Variants in PPP2R5C observed in about 807,000 individuals in gnomAD.
PPP2R5C encodes serine/threonine-protein phosphatase 2A 56 kDa regulatory subunit gamma isoform.
A neutral mutation model predicts 68.9 loss-of-function variants in PPP2R5C; 7 were observed. The observed-to-expected ratio is 0.10, with a 90% CI of 0.06 to 0.19. The LOEUF (loss-of-function observed/expected upper bound fraction) is 0.19, where lower values mean the gene tolerates loss of function less well. PPP2R5C is among the 10% of genes least tolerant of loss of function. The probability of loss-of-function intolerance (pLI) is 1.00; values close to 1 mark genes in which losing one functional copy is unlikely to be tolerated. For missense variants in PPP2R5C, 348 were observed against 641.3 expected, an observed-to-expected ratio of 0.54 and a Z score of 4.94; for synonymous variants, 210 against 222.2, an observed-to-expected ratio of 0.95 and a Z score of 0.49.
In PPP2R5C at chr14:101,835,653, C is replaced by T. The variant is rs936872222; in HGVS notation, c.95-21033C>T. ...TCTTGTTAAGGCATCTGAGGTCTCC[C>T]GGGGGACAGACACAGTCTTCATCTT... On this transcript the variant is annotated intron_variant, in intron 1 of 13. Transcript: ENST00000334743. This position sits in a 1 kb window ranked among gnomAD's most constrained non-coding sequence, Gnocchi z 5.0. Among the ~76,000 whole-genome samples, 30 of 152,210 alleles carry T rather than the reference C, an allele frequency of 2.0e-4. No individual in the cohort carries two copies. Among genetic ancestry groups the T allele is most frequent in the African/African-American group, 6.0e-4 (25 of 41,452 alleles).
In PPP2R5C at chr14:101,915,422, A is replaced by G. The variant is rs2046616291; in HGVS notation, c.1327-2409A>G. 6.6e-6 allele frequency among the ~76,000 whole-genome samples: 1 copy of G among 152,150 alleles called. No homozygotes were observed. The highest frequency in any genetic ancestry group is 6.5e-5 in the Admixed American group (1 of 15,272). On this transcript the variant is annotated intron_variant, in intron 12 of 13. Coordinates refer to ENST00000334743, the Ensembl canonical transcript of PPP2R5C. This position sits in a 1 kb window ranked among gnomAD's most constrained non-coding sequence, Gnocchi z 4.2. ...TTCCTAGTCAGAACCCTCTCCTGCCAGTGCCCGCTGTGTGAGGTTTATTTT... is the reference window on the plus strand; with the variant it reads ...TTCCTAGTCAGAACCCTCTCCTGCCGGTGCCCGCTGTGTGAGGTTTATTTT...
chr14:101,771,098 A>G (rs181460438), intron 2 of PPP2R5C, among the ~76,000 whole-genome samples: 4 of 152,286 alleles, frequency 2.6e-5, no homozygotes, highest in Admixed American at 2.6e-4. Flanking sequence ...TGCTTCCCAA[A>G]TCCAAACAGC....
Position 101,913,285 on chromosome 14 carries a change from T to G in PPP2R5C, c.1326+812T>G, listed in dbSNP as rs2046490274. 6.6e-6 allele frequency among the ~76,000 whole-genome samples: 1 copy of G among 152,228 alleles called. No homozygotes were observed. Among genetic ancestry groups the G allele is most frequent in the Non-Finnish European group, 1.5e-5 (1 of 68,040 alleles). On this transcript the variant is annotated intron_variant, in intron 12 of 13. Coordinates refer to ENST00000334743, the Ensembl canonical transcript of PPP2R5C. The surrounding 1 kb of genome is among the most constrained non-coding windows in gnomAD (Gnocchi z 4.1). ...TTTCCTTCAACTCTCCAGAAAAGAT[T>G]TTACCGAACAATGTATTTCTTTTAG...
chr14:101,796,106 AG>A (rs1213563568), intron 3 of PPP2R5C, among the ~76,000 whole-genome samples: 1 of 152,190 alleles, frequency 6.6e-6, no homozygotes, highest in Non-Finnish European at 1.5e-5. Context: ...TACAGCCATG[AG>A]AGCCACTGCG....
chr14:101,878,106 C>T (rs947426224), intron 2 of PPP2R5C, among the ~76,000 whole-genome samples: 6 of 152,220 alleles, frequency 3.9e-5, no homozygotes, highest in Non-Finnish European at 4.4e-5. Context: ...GCCTTTGCTC[C>T]GAGCAAGTGC....
intron 3 of PPP2R5C, among the ~76,000 whole-genome samples, chr14:101,794,669 G>GT (rs1190466477): frequency 1.3e-5 from 2 of 152,192 alleles, no homozygotes; most frequent in African/African-American, 2.4e-5. Flanking sequence ...CTTTAAGGCT[G>GT]TTTTTAAGTT....
intron 9 of PPP2R5C, among the ~76,000 whole-genome samples, chr14:101,904,124 G>A (rs993507856): frequency 6.6e-6 from 1 of 152,124 alleles, no homozygotes; most frequent in Non-Finnish European, 1.5e-5. Context: ...GGTGGGTGGT[G>A]GGTGGGTGGA....
intron 10 of PPP2R5C, among the ~76,000 whole-genome samples, chr14:101,908,136 T>A (rs1317481119): frequency 6.6e-6 from 1 of 152,222 alleles, no homozygotes; most frequent in Non-Finnish European, 1.5e-5. Flanking sequence ...TGCTTTGCCT[T>A]GCAACAATCT....
intron 1 of PPP2R5C, among the ~76,000 whole-genome samples, chr14:101,817,190 T>C (rs1255359196): frequency 2.0e-5 from 3 of 151,908 alleles, no homozygotes; most frequent in Admixed American, 6.6e-5. Context: ...TCTCCTGACC[T>C]CGTGTTCCAC....
chr14:101,831,900 A>G (rs975317632), intron 1 of PPP2R5C: 2 of 590,228 alleles, frequency 3.4e-6, no homozygotes, highest in East Asian at 2.8e-5. Flanking sequence ...GTCCAAAGAC[A>G]TTGTTATTTA....
At chr14:101,894,678 A>G (rs1261192841) in intron 8 of PPP2R5C, 118 bp downstream of exon 10, 2 of 906,600 alleles carry the variant, frequency 2.2e-6, no homozygotes, top group Non-Finnish European at 3.5e-6. Flanking sequence ...AAATTGCAAT[A>G]CTAATAAACA....
intron 1 of PPP2R5C, among the ~76,000 whole-genome samples, chr14:101,854,106 C>T (rs1390979076): frequency 2.0e-5 from 3 of 152,146 alleles, no homozygotes; most frequent in Non-Finnish European, 2.9e-5. Context: ...GAGTCCTGAA[C>T]GCTGTAATGA....
intron 1 of PPP2R5C, among the ~76,000 whole-genome samples, chr14:101,840,047 GA>G: frequency 6.6e-6 from 1 of 152,084 alleles, no homozygotes; most frequent in East Asian, 1.9e-4. Context: ...ATTAGCCATT[GA>G]ATACTAAGTT....
At chr14:101,780,675 G>T (rs2037634316) in intron 2 of PPP2R5C, among the ~76,000 whole-genome samples, 1 of 152,290 alleles carries the variant, frequency 6.6e-6, no homozygotes, top group Middle Eastern at 3.4e-3. Flanking sequence ...AGAACTGGTG[G>T]TTAGACCTCA....
chr14:101,870,496 C>G (rs1472440834), intron 2 of PPP2R5C, among the ~76,000 whole-genome samples: 1 of 152,154 alleles, frequency 6.6e-6, no homozygotes, highest in Non-Finnish European at 1.5e-5. Flanking sequence ...GGACTCTGTC[C>G]TGTCGCGTGT....
At chr14:101,859,498 T>G (rs1482490057) in intron 2 of PPP2R5C, among the ~76,000 whole-genome samples, 2 of 152,242 alleles carry the variant, frequency 1.3e-5, no homozygotes, top group Non-Finnish European at 2.9e-5. Context: ...CAACATAGCC[T>G]TTCCCTACCC....
chr14:101,831,768 C>A (rs1042311498), intron 1 of PPP2R5C: 1 of 702,208 alleles, frequency 1.4e-6, no homozygotes, highest in South Asian at 1.5e-5. Flanking sequence ...ACGGGTTCTG[C>A]GGGCCGACTG....
chr14:101,841,365 CTA>C (rs1349246933), intron 1 of PPP2R5C, among the ~76,000 whole-genome samples: 1 of 152,196 alleles, frequency 6.6e-6, no homozygotes, highest in Non-Finnish European at 1.5e-5. Flanking sequence ...TTTAGTTTAG[CTA>C]TAAAACTTGG....
intron 1 of PPP2R5C, chr14:101,818,169 C>T (rs2039833739): frequency 6.6e-6 from 1 of 152,176 alleles, no homozygotes; most frequent in African/African-American, 2.4e-5. Context: ...ATGTCCACGG[C>T]CTCAGTTCAG....
Sources: gnomAD v4.1 joint callset for allele counts (sites outside exome capture counted in the v4.1 genomes callset) on GRCh38, gnomAD v4.1.1 for gene constraint, Gnocchi (gnomAD v3.1) non-coding constraint, MANE v1.5 for transcripts, NCBI Gene and HGNC (gene_info 2026-07-23, HGNC 2026-07-21) for gene names.